Variants in SLC8A1 observed in about 807,000 individuals in gnomAD.
SLC8A1 encodes solute carrier family 8 member A1.
SLC8A1 carries 18 observed loss-of-function variants against 68.3 expected under a neutral mutation model. That is an observed-to-expected ratio of 0.26 (90% confidence interval 0.18 to 0.39). SLC8A1 has a LOEUF of 0.39. Among genes scored for constraint, SLC8A1 ranks in the 10% least tolerant of loss-of-function variants. SLC8A1 has a pLI of 1.00. For synonymous variants in SLC8A1, 475 were observed against 415.5 expected, an observed-to-expected ratio of 1.14 and a Z score of -1.74; for missense variants, 985 against 1,156.7, an observed-to-expected ratio of 0.85 and a Z score of 2.15.
chr2:40,186,192 A>G (rs6729089), intron 2 of SLC8A1, among the ~76,000 whole-genome samples: 19,306 of 152,198 alleles, frequency 0.13, 1,350 homozygotes, highest in African/African-American at 0.16. Context: ...AAATGATTAT[A>G]ATCATAAGGA....
At chr2:40,404,970 G>C (rs1478970424) in intron 2 of SLC8A1, among the ~76,000 whole-genome samples, 1 of 152,056 alleles carries the variant, frequency 6.6e-6, no homozygotes, top group Non-Finnish European at 1.5e-5. Flanking sequence ...TCAAATACTT[G>C]TATCCAGAAG....
At chr2:40,450,256 T>C (rs187167558) in intron 1 of SLC8A1, among the ~76,000 whole-genome samples, 2 of 152,244 alleles carry the variant, frequency 1.3e-5, no homozygotes, top group African/African-American at 4.8e-5. Context: ...GGCTTTGTCT[T>C]CTTATTTGAA....
intron 2 of SLC8A1, among the ~76,000 whole-genome samples, chr2:40,368,915 C>G (rs1677107067): frequency 6.8e-6 from 1 of 148,112 alleles, no homozygotes; most frequent in Non-Finnish European, 1.5e-5. Context: ...CTTTGACAAA[C>G]CTGACAAAAA....
rs560621778 is a variant in SLC8A1, at chr2:40,490,643, G to T, written c.-25+21706C>A. On this transcript the variant is annotated intron_variant, in intron 1 of 7. Coordinates refer to the SLC8A1 transcript ENST00000402441. ...GTTTTTAGATGATTTGTGGGGATGG[G>T]TAGGAGTAGTGGATTCACAACTATC... Among the ~76,000 whole-genome samples the T allele has an allele frequency of 1.2e-4, 19 of 152,192 alleles. No homozygotes were observed. In the South Asian group the frequency reaches 3.9e-3, roughly 32 times the overall value.
At chr2:40,242,496 A>T (rs575805851) in intron 2 of SLC8A1, among the ~76,000 whole-genome samples, 68 of 152,258 alleles carry the variant, frequency 4.5e-4, no homozygotes, top group African/African-American at 1.5e-3. Context: ...TATAATTATA[A>T]ATCTCCATCC....
intron 2 of SLC8A1, among the ~76,000 whole-genome samples, chr2:40,356,280 C>T (rs1365423554): frequency 2.0e-5 from 3 of 152,154 alleles, no homozygotes; most frequent in African/African-American, 7.2e-5. Flanking sequence ...TCCTCAGCAT[C>T]AATTGTAGTG....
Position 40,376,261 on chromosome 2 carries a change from G to A in SLC8A1, c.1808+52212C>T, listed in dbSNP as rs185955868. Among the ~76,000 whole-genome samples the A allele has an allele frequency of 1.6e-4, 25 of 152,108 alleles. No individual in the cohort carries two copies. The East Asian group carries it at 3.5e-3, about 21-fold the overall frequency. On this transcript the variant is annotated intron_variant, in intron 2 of 7. Transcript: ENST00000406785. ...TGTACAATTTACATTGTACCTCAAC[G>A]GTTTCTGTCTCAGATAAGCTAACCT... is the stretch of plus-strand genomic sequence containing the variant.
intron 2 of SLC8A1, among the ~76,000 whole-genome samples, chr2:40,348,993 A>T (rs1281087043): frequency 6.6e-6 from 1 of 152,136 alleles, no homozygotes; most frequent in Admixed American, 6.6e-5. Flanking sequence ...TTTTTTGAGA[A>T]TCTGAGGAAT....
intron 6 of SLC8A1, among the ~76,000 whole-genome samples, chr2:40,141,946 G>T (rs1192291817): frequency 6.6e-6 from 1 of 152,126 alleles, no homozygotes; most frequent in African/African-American, 2.4e-5. Flanking sequence ...TTGGCCTCAG[G>T]AGAAATCGAA....
intron 2 of SLC8A1, among the ~76,000 whole-genome samples, chr2:40,228,756 G>A (rs76495322): frequency 0.016 from 2,477 of 152,214 alleles, 77 homozygotes; most frequent in African/African-American, 0.057. Flanking sequence ...AAATCCACCT[G>A]TTTTGATGCA....
In SLC8A1 at chr2:40,164,934, G is replaced by A. The variant is rs752904012; in HGVS notation, c.1981C>T (p.Arg661Cys). The change falls in exon 5 of 8, where the codon CGC becomes TGC. Residue 661 changes from arginine to cysteine, a missense_variant. Physicochemically the swap from Arg to Cys is radical, Grantham distance 180. Around this residue, in one of 5 missense-constraint regions of SLC8A1, gnomAD observed 584 missense variants for 565.9 expected, o/e 1.03. Coordinates refer to ENST00000406785, the Ensembl canonical transcript of SLC8A1. ...ATGGGGCGCCCCATTTCTGCAATGCGCCTCTCCTCTTCCTCTTTGCTGGTC... is the reference window on the plus strand; with the variant it reads ...ATGGGGCGCCCCATTTCTGCAATGCACCTCTCCTCTTCCTCTTTGCTGGTC... 3.0e-5 allele frequency: 48 copies of A among 1,613,756 alleles called. No individual in the cohort carries two copies. The highest frequency in any genetic ancestry group is 3.6e-5 in the Non-Finnish European group (43 of 1,179,908).
At chr2:40,202,215 T>G (rs193232116) in intron 2 of SLC8A1, among the ~76,000 whole-genome samples, 10 of 152,062 alleles carry the variant, frequency 6.6e-5, no homozygotes, top group African/African-American at 1.4e-4. Context: ...TTGGGATCTA[T>G]GAACAATTTT....
chr2:40,269,821 G>C (rs559055103), intron 2 of SLC8A1, among the ~76,000 whole-genome samples: 2 of 151,874 alleles, frequency 1.3e-5, no homozygotes, highest in African/African-American at 4.8e-5. Flanking sequence ...TATACTTTAA[G>C]TTTTAGGGTA....
intron 2 of SLC8A1, chr2:40,190,860 T>C (rs894805043): frequency 2.0e-5 from 3 of 152,176 alleles, no homozygotes; most frequent in African/African-American, 7.2e-5. Flanking sequence ...CTCTCCACTT[T>C]TTCTTCCTTC....
intron 7 of SLC8A1, among the ~76,000 whole-genome samples, chr2:40,137,166 G>C (rs962676554): frequency 2.4e-4 from 37 of 152,120 alleles, no homozygotes; most frequent in Non-Finnish European, 5.3e-4. Flanking sequence ...TTAATTATAA[G>C]GCTGCCACAA....
intron 7 of SLC8A1, among the ~76,000 whole-genome samples, chr2:40,126,062 T>A (rs2038024572): frequency 6.6e-6 from 1 of 152,162 alleles, no homozygotes; most frequent in African/African-American, 2.4e-5. Flanking sequence ...AGGGGTCAGA[T>A]GAATGTGAGG....
intron 2 of SLC8A1, among the ~76,000 whole-genome samples, chr2:40,358,047 GGAAAAAAAAAA>G (rs1559373905): frequency 2.8e-5 from 3 of 105,826 alleles, no homozygotes; most frequent in African/African-American, 1.2e-4. Context: ...TGCAACTGAA[GGAAAAAAAAAA>G]AAAAAAAAAA....
chr2:40,241,066 C>T (rs2061158047), intron 2 of SLC8A1, among the ~76,000 whole-genome samples: 2 of 152,138 alleles, frequency 1.3e-5, no homozygotes, highest in South Asian at 2.1e-4. Context: ...CATCACTATG[C>T]CATTCACAAT....
chr2:40,503,514 AAC>A (rs1434218525), intron 1 of SLC8A1, among the ~76,000 whole-genome samples: 9 of 152,028 alleles, frequency 5.9e-5, no homozygotes, highest in Non-Finnish European at 1.0e-4. Flanking sequence ...GAAGGAGTCA[AAC>A]TGTCCTTGTT....
Sources: allele counts gnomAD v4.1 joint callset (sites outside exome capture counted in the v4.1 genomes callset), GRCh38; gene constraint gnomAD v4.1.1; regional missense constraint gnomAD v4.1.1; transcripts MANE v1.5; gene names NCBI Gene and HGNC (gene_info 2026-07-23, HGNC 2026-07-21).